NAV3: variants seen among roughly 807,000 people sequenced by gnomAD.
The protein encoded by NAV3 is pore membrane and/or filament interacting like protein 1.
A neutral mutation model predicts 244.7 loss-of-function variants in NAV3; 87 were observed. That is an observed-to-expected ratio of 0.36 (90% CI 0.30 to 0.42). NAV3 has a LOEUF of 0.42. NAV3 is among the 20% of genes least tolerant of loss of function. The pLI is 1.00. For synonymous variants in NAV3, 1,126 were observed against 1,042.2 expected, an observed-to-expected ratio of 1.08 and a Z score of -1.55; for missense variants, 2,663 against 2,893.3, an observed-to-expected ratio of 0.92 and a Z score of 1.83.
intron 1 of NAV3, among the ~76,000 whole-genome samples, chr12:77,917,426 G>C (rs1887257390): frequency 6.6e-6 from 1 of 151,834 alleles, no homozygotes. Context: ...ATGTAAAAAA[G>C]CAAGAAATGG....
intron 2 of NAV3, among the ~76,000 whole-genome samples, chr12:77,594,180 G>A (rs1256362863): frequency 1.1e-4 from 17 of 152,034 alleles, no homozygotes; most frequent in Non-Finnish European, 2.9e-5. Context: ...TACAATTGTA[G>A]GCACTTTATT....
At chr12:77,633,134 G>T (rs1450554408) in intron 2 of NAV3, among the ~76,000 whole-genome samples, 1 of 151,984 alleles carries the variant, frequency 6.6e-6, no homozygotes, top group Non-Finnish European at 1.5e-5. Context: ...TACTTTACAA[G>T]TATTATCTAA....
intron 2 of NAV3, among the ~76,000 whole-genome samples, chr12:77,633,768 T>C (rs974960044): frequency 2.6e-5 from 4 of 152,208 alleles, no homozygotes; most frequent in Admixed American, 1.3e-4. Flanking sequence ...TACACTACAA[T>C]ATTACTGATC....
intron 1 of NAV3, among the ~76,000 whole-genome samples, chr12:77,908,618 T>C (rs549223514): frequency 1.3e-4 from 20 of 152,216 alleles, no homozygotes; most frequent in Middle Eastern, 3.4e-3. Flanking sequence ...GTACTTTTTT[T>C]CCCAAAAATA....
At chr12:77,946,877 A>G (rs933069643) in intron 3 of NAV3, among the ~76,000 whole-genome samples, 2 of 152,182 alleles carry the variant, frequency 1.3e-5, no homozygotes, top group Admixed American at 1.3e-4. Flanking sequence ...ATTATATTTA[A>G]GGATCTTCAA....
At chr12:77,658,346 C>A (rs1873233554) in intron 2 of NAV3, among the ~76,000 whole-genome samples, 1 of 150,852 alleles carries the variant, frequency 6.6e-6, no homozygotes, top group South Asian at 2.1e-4. Flanking sequence ...CATGAGTGAA[C>A]TCCCATTCAC....
At chr12:77,706,764 G>A (rs1397462463) in intron 2 of NAV3, among the ~76,000 whole-genome samples, 2 of 149,680 alleles carry the variant, frequency 1.3e-5, no homozygotes, top group African/African-American at 5.0e-5. Flanking sequence ...CCAGCTACTC[G>A]GGAGGCTGAG....
chr12:77,766,124 C>T (rs1869738870), intron 2 of NAV3, among the ~76,000 whole-genome samples: 1 of 152,214 alleles, frequency 6.6e-6, no homozygotes, highest in East Asian at 1.9e-4. Context: ...GAAGACTTAT[C>T]CAGGCTGTCT....
At chr12:77,725,298 G>T (rs1367201188) in intron 2 of NAV3, among the ~76,000 whole-genome samples, 1 of 151,884 alleles carries the variant, frequency 6.6e-6, no homozygotes, top group East Asian at 1.9e-4. Context: ...CTGTATCTCA[G>T]TGCTAAAAGC....
intron 8 of NAV3, among the ~76,000 whole-genome samples, chr12:78,021,238 C>T (rs908046793): frequency 6.6e-6 from 1 of 152,070 alleles, no homozygotes. Context: ...GAATTTGTTT[C>T]TGGTTGACTT....
In NAV3 at chr12:78,002,538, C is replaced by G. The variant is rs144401069; in HGVS notation, c.881-3881C>G. Among the ~76,000 whole-genome samples the G allele has an allele frequency of 4.1e-4, 62 of 152,170 alleles. 1 individual carries two copies. In the East Asian group the frequency reaches 9.7e-3, roughly 24 times the overall value. On this transcript the variant is annotated intron_variant, in intron 7 of 39. Transcript: ENST00000397909. ...GAGTTAATGAGAATTATGCATTAGT[C>G]TTTAAATTTGGGCAGCTTATTCAGC...
intron 2 of NAV3, among the ~76,000 whole-genome samples, chr12:77,688,770 G>C (rs1414125163): frequency 6.6e-6 from 1 of 151,394 alleles, no homozygotes; most frequent in Non-Finnish European, 1.5e-5. Context: ...ATGAAGGAGA[G>C]GCTCTAAAAA....
At chr12:77,761,399 A>G (rs1869453923) in intron 2 of NAV3, among the ~76,000 whole-genome samples, 2 of 152,186 alleles carry the variant, frequency 1.3e-5, no homozygotes, top group Non-Finnish European at 2.9e-5. Context: ...TTCAGCTGCT[A>G]TCTCCCAACA....
intron 2 of NAV3, among the ~76,000 whole-genome samples, chr12:77,804,814 T>C (rs1871888815): frequency 6.6e-6 from 1 of 152,184 alleles, no homozygotes; most frequent in Admixed American, 6.5e-5. Context: ...GCGTGGAATG[T>C]TTTTCCATTT....
chr12:77,659,494 A>G (rs1228227819), intron 2 of NAV3, among the ~76,000 whole-genome samples: 1 of 152,154 alleles, frequency 6.6e-6, no homozygotes. Flanking sequence ...AAATAGGAAC[A>G]CTTTTACACT....
chr12:77,871,394 C>G (rs1442027849), intron 1 of NAV3, among the ~76,000 whole-genome samples: 1 of 152,036 alleles, frequency 6.6e-6, no homozygotes, highest in African/African-American at 2.4e-5. Flanking sequence ...ACCCATCAAT[C>G]CATCATCTAC....
chr12:77,919,836 T>G (rs761183592), intron 1 of NAV3, among the ~76,000 whole-genome samples: 1 of 152,058 alleles, frequency 6.6e-6, no homozygotes. Context: ...ACTATTTATT[T>G]GACCCTATTG....
At chr12:78,069,528 T>C (rs191162289) in intron 12 of NAV3, among the ~76,000 whole-genome samples, 14 of 152,094 alleles carry the variant, frequency 9.2e-5, no homozygotes, top group Admixed American at 9.2e-4. Context: ...ATTTATATAA[T>C]AAATAATACT....
At chr12:78,061,092 C>T (rs1884261322) in intron 12 of NAV3, among the ~76,000 whole-genome samples, 1 of 152,070 alleles carries the variant, frequency 6.6e-6, no homozygotes, top group Admixed American at 6.6e-5. Context: ...GCAGCAGCAG[C>T]CATTGAAACT....
Sources: allele counts gnomAD v4.1 joint callset (sites outside exome capture counted in the v4.1 genomes callset), GRCh38; gene constraint gnomAD v4.1.1; transcripts MANE v1.5; gene names NCBI Gene and HGNC (gene_info 2026-07-23, HGNC 2026-07-21).